The following CREB5 variants were observed in gnomAD, a reference collection of about 807,000 sequenced individuals.
CREB5 encodes the protein cyclic AMP-responsive element-binding protein 5.
CREB5 carries 19 observed loss-of-function variants against 57.1 expected under a neutral mutation model. The observed-to-expected ratio is 0.33, with a 90% CI of 0.23 to 0.49. CREB5 has a LOEUF of 0.49. Ranked by LOEUF, CREB5 falls within the 20% of genes least tolerant of loss-of-function variation. CREB5 has a pLI of 0.99. For synonymous variants in CREB5, 238 were observed against 238.3 expected (o/e 1.00, Z 0.01); for missense variants, 579 against 671.6 (o/e 0.86, Z 1.52).
intron 1 of CREB5, among the ~76,000 whole-genome samples, chr7:28,322,911 A>G (rs1785517920): frequency 6.6e-6 from 1 of 151,736 alleles, no homozygotes; most frequent in Non-Finnish European, 1.5e-5. Context: ...TGTCCCCTCC[A>G]ATGATCATTT....
intron 1 of CREB5, among the ~76,000 whole-genome samples, chr7:28,327,614 G>T (rs1355006457): frequency 1.3e-5 from 2 of 152,158 alleles, no homozygotes; most frequent in African/African-American, 4.8e-5. Flanking sequence ...GGGCATTTCT[G>T]TTGCCTTTGC....
intron 1 of CREB5, among the ~76,000 whole-genome samples, chr7:28,461,957 G>A (rs1436868162): frequency 1.3e-5 from 2 of 151,840 alleles, no homozygotes; most frequent in African/African-American, 2.4e-5. Flanking sequence ...ATACAATTTG[G>A]TGCATTTTAG....
rs553247525 is a variant in CREB5 at position 28,439,582 on chromosome 7, T to C, written c.3+26665T>C. 1.6e-4 allele frequency among the ~76,000 whole-genome samples: 24 copies of C among 152,242 alleles called. No individual in the cohort carries two copies. In the South Asian group the frequency reaches 4.8e-3, roughly 30 times the overall value. ...GCAGAGGAGGAACCTGGCCCAGAGA[T>C]GTTTGGTAGACTTCCCAAGGTCACA... On this transcript the variant is annotated intron_variant, in intron 1 of 10. Transcript: ENST00000357727.
At chr7:28,353,583 C>T (rs968164937) in intron 1 of CREB5, among the ~76,000 whole-genome samples, 1 of 152,110 alleles carries the variant, frequency 6.6e-6, no homozygotes, top group Admixed American at 6.5e-5. Flanking sequence ...GTGGCTCACA[C>T]CTGTAATCCC....
At chr7:28,702,112 T>C (rs1801891160) in intron 5 of CREB5, among the ~76,000 whole-genome samples, 1 of 152,242 alleles carries the variant, frequency 6.6e-6, no homozygotes, top group Non-Finnish European at 1.5e-5. Flanking sequence ...AGGTCTTTTT[T>C]CAGTTTTCTT....
At position 28,332,156 on chromosome 7, in the gene CREB5, C is replaced by T. The variant is rs78945997; in HGVS notation, c.-25+32715C>T. The stretch of plus-strand genomic sequence containing the variant: ...GATGGAGGCAGAGATTGGAGTGATG[C>T]GGCTGCAAGCTAAAGAATGCCAGCA... On this transcript the variant is annotated intron_variant, in intron 1 of 9. Coordinates refer to the CREB5 transcript ENST00000396299. Among the ~76,000 whole-genome samples the T allele has an allele frequency of 7.1e-3, 1,086 of 152,216 alleles. 11 individuals are homozygous for T. Among genetic ancestry groups the T allele is most frequent in the African/African-American group, 0.024 (1,011 of 41,520 alleles).
intron 5 of CREB5, among the ~76,000 whole-genome samples, chr7:28,600,794 A>G (rs1583692030): frequency 6.6e-6 from 1 of 152,202 alleles, no homozygotes; most frequent in East Asian, 1.9e-4. Context: ...ACATTTAAAT[A>G]CATATCCTAG....
At chr7:28,450,647 ACCC>A (rs1158560094) in intron 1 of CREB5, among the ~76,000 whole-genome samples, 1 of 152,002 alleles carries the variant, frequency 6.6e-6, no homozygotes, top group East Asian at 1.9e-4. Flanking sequence ...ACAAGTTTTC[ACCC>A]CCTGCTCTCT....
chr7:28,522,723 C>T (rs752267302), intron 4 of CREB5, among the ~76,000 whole-genome samples: 17 of 152,130 alleles, frequency 1.1e-4, no homozygotes, highest in Non-Finnish European at 2.1e-4. Context: ...AAAAGTCCTT[C>T]GTAAGGCTTC....
chr7:28,448,962 C>G (rs1326687781), intron 1 of CREB5, among the ~76,000 whole-genome samples: 1 of 152,198 alleles, frequency 6.6e-6, no homozygotes, highest in African/African-American at 2.4e-5. Flanking sequence ...TGCTCACACA[C>G]CTAGACTTGA....
At chr7:28,714,008 G>T (rs931046239) in intron 5 of CREB5, among the ~76,000 whole-genome samples, 49 of 152,050 alleles carry the variant, frequency 3.2e-4, no homozygotes, top group African/African-American at 1.1e-3. Context: ...GTGATGCCCA[G>T]GTTCCCAGGT....
chr7:28,627,431 G>T (rs1234954042), intron 5 of CREB5, among the ~76,000 whole-genome samples: 1 of 152,138 alleles, frequency 6.6e-6, no homozygotes, highest in Non-Finnish European at 1.5e-5. Flanking sequence ...ATCCCCAGAA[G>T]GTTTGAATCA....
At chr7:28,397,449 G>C (rs769319080) in intron 1 of CREB5, among the ~76,000 whole-genome samples, 1 of 152,186 alleles carries the variant, frequency 6.6e-6, no homozygotes, top group Non-Finnish European at 1.5e-5. Context: ...CTCTGGAGTA[G>C]ACAGCATCTC....
chr7:28,342,941 T>C (rs1232873676), intron 1 of CREB5, among the ~76,000 whole-genome samples: 1 of 152,074 alleles, frequency 6.6e-6, no homozygotes, highest in Non-Finnish European at 1.5e-5. Context: ...AAATATGTAA[T>C]ACTTTTTTTT....
At chr7:28,443,669 G>A (rs549844417) in intron 1 of CREB5, among the ~76,000 whole-genome samples, 1 of 152,206 alleles carries the variant, frequency 6.6e-6, no homozygotes, top group East Asian at 1.9e-4. Flanking sequence ...TGGAGGAGGG[G>A]GAGTCAACAC....
chr7:28,709,089 C>T (rs1181829036), intron 5 of CREB5, among the ~76,000 whole-genome samples: 1 of 152,128 alleles, frequency 6.6e-6, no homozygotes, highest in Non-Finnish European at 1.5e-5. Context: ...ATTTGAGTTG[C>T]GTTCAAAATC....
chr7:28,798,333 T>C (rs1428261767), intron 7 of CREB5, among the ~76,000 whole-genome samples: 2 of 133,700 alleles, frequency 1.5e-5, no homozygotes, highest in Non-Finnish European at 3.1e-5. Flanking sequence ...CTAATTGGCA[T>C]GAACCACTTG....
chr7:28,312,197 A>AG (rs2127981825), intron 1 of CREB5, among the ~76,000 whole-genome samples: 1 of 151,996 alleles, frequency 6.6e-6, no homozygotes, highest in South Asian at 2.1e-4. Context: ...TTGATAAAAA[A>AG]AAAAAAAGTG....
intron 5 of CREB5, among the ~76,000 whole-genome samples, chr7:28,685,428 A>G (rs1289292050): frequency 6.6e-6 from 1 of 152,158 alleles, no homozygotes; most frequent in African/African-American, 2.4e-5. Context: ...GTCAGATGCG[A>G]GAAGTCTCCG....
Sources: allele counts gnomAD v4.1 joint callset (sites outside exome capture counted in the v4.1 genomes callset), GRCh38; gene constraint gnomAD v4.1.1; transcripts MANE v1.5; gene names NCBI Gene and HGNC (gene_info 2026-07-23, HGNC 2026-07-21).